The following PIK3C2G variants were observed in gnomAD, a reference collection of about 807,000 sequenced individuals.
The protein encoded by PIK3C2G is phosphatidylinositol 3-kinase C2 domain-containing subunit gamma.
Under a neutral mutation model 181.1 loss-of-function variants are expected in PIK3C2G, and 168 were observed. The observed-to-expected ratio is 0.93, with a 90% confidence interval of 0.82 to 1.05. The LOEUF is 1.05. Among genes scored for constraint, PIK3C2G ranks in the 50% least tolerant of loss-of-function variants. The probability of loss-of-function intolerance (pLI) is 0.00; values close to 1 mark genes in which losing one functional copy is unlikely to be tolerated. For synonymous variants in PIK3C2G, 573 were observed against 592.2 expected (o/e 0.97, Z 0.47); for missense variants, 1,869 against 1,732.8 (o/e 1.08, Z -1.40).
At chr12:18,696,298 A>C in the PIK3C2G span, 1 of 849,290 alleles carries the variant, frequency 1.2e-6, no homozygotes, top group Non-Finnish European at 1.8e-6. Flanking sequence ...ATTGTGAAAG[A>C]ATTCAAATAA....
the PIK3C2G span, among the ~76,000 whole-genome samples, chr12:18,659,575 T>C: frequency 6.6e-6 from 1 of 152,152 alleles, no homozygotes; most frequent in Non-Finnish European, 1.5e-5. Flanking sequence ...ATGTATTTTA[T>C]AGTGAAAGGA....
chr12:18,396,839 G>A (rs1342300994), intron 15 of PIK3C2G, among the ~76,000 whole-genome samples: 1 of 151,670 alleles, frequency 6.6e-6, no homozygotes, highest in Admixed American at 6.6e-5. Context: ...TGGTTAAGAT[G>A]ATAATTCTCT....
At chr12:18,632,301 T>A (rs1313123727) in intron 31 of PIK3C2G, among the ~76,000 whole-genome samples, 1 of 152,190 alleles carries the variant, frequency 6.6e-6, no homozygotes, top group Non-Finnish European at 1.5e-5. Context: ...GCCTTACTGC[T>A]TAAGTACTGT....
chr12:18,355,440 G>T (rs1940632973), intron 11 of PIK3C2G, among the ~76,000 whole-genome samples: 1 of 152,194 alleles, frequency 6.6e-6, no homozygotes, highest in South Asian at 2.1e-4. Flanking sequence ...CTACGAATAG[G>T]TTACTTTAAT....
chr12:18,403,581 C>G (rs139418547), intron 16 of PIK3C2G, among the ~76,000 whole-genome samples: 1 of 152,280 alleles, frequency 6.6e-6, no homozygotes, highest in African/African-American at 2.4e-5. Flanking sequence ...GGTTTAACCT[C>G]TTGACAACTG....
upstream of PIK3C2G, among the ~76,000 whole-genome samples, chr12:18,245,763 A>G (rs962603400): frequency 4.6e-5 from 7 of 152,136 alleles, no homozygotes; most frequent in African/African-American, 1.7e-4. Context: ...AAAAATTTTC[A>G]CTGTTACAAA....
Position 18,248,447 on chromosome 12 carries a change from G to A in PIK3C2G, c.-79+365G>A, listed in dbSNP as rs908217011. ...AAAATTAGCCGGCGAGGTGGCGGGC[G>A]CTGTAGTCCCAGCTACTCGGGAGGC... is the stretch of plus-strand genomic sequence containing the variant. On this transcript the variant is annotated intron_variant, in intron 1 of 11. Coordinates refer to the PIK3C2G transcript ENST00000535651. Among the ~76,000 whole-genome samples the A allele has an allele frequency of 3.3e-5, 5 of 152,002 alleles. No homozygotes were observed. In the East Asian group the frequency reaches 5.8e-4, roughly 18 times the overall value.
chr12:18,706,154 A>T, the PIK3C2G span, among the ~76,000 whole-genome samples: 1 of 149,056 alleles, frequency 6.7e-6, no homozygotes, highest in Non-Finnish European at 1.5e-5. Flanking sequence ...AATTGCTTGA[A>T]CCGGGAGGTG....
the PIK3C2G span, among the ~76,000 whole-genome samples, chr12:18,657,482 A>G: frequency 2.0e-5 from 3 of 152,192 alleles, no homozygotes; most frequent in South Asian, 6.2e-4. Flanking sequence ...ATGCCTCAAC[A>G]TTCACATAGA....
chr12:18,515,090 T>A (rs1403223184), intron 24 of PIK3C2G, among the ~76,000 whole-genome samples: 1 of 152,070 alleles, frequency 6.6e-6, no homozygotes, highest in Non-Finnish European at 1.5e-5. Flanking sequence ...TAAATCCCAC[T>A]TGATCATGGT....
chr12:18,421,994 C>G (rs1350953113), intron 17 of PIK3C2G, among the ~76,000 whole-genome samples: 7 of 152,072 alleles, frequency 4.6e-5, no homozygotes, highest in Non-Finnish European at 8.8e-5. Context: ...AAGGGTTAAT[C>G]TAACTTACAA....
chr12:18,273,870 C>G (rs527885124), intron 1 of PIK3C2G, among the ~76,000 whole-genome samples: 3 of 152,022 alleles, frequency 2.0e-5, no homozygotes, highest in Non-Finnish European at 4.4e-5. Context: ...AACAGGCAAC[C>G]TACAGAATGG....
At chr12:18,466,908 T>A (rs1359605643) in intron 18 of PIK3C2G, among the ~76,000 whole-genome samples, 5 of 152,040 alleles carry the variant, frequency 3.3e-5, no homozygotes, top group Non-Finnish European at 5.9e-5. Flanking sequence ...TAACTTCTTT[T>A]TTCACTTGGA....
chr12:18,294,218 G>A (rs1184827189), intron 5 of PIK3C2G, among the ~76,000 whole-genome samples: 6 of 151,952 alleles, frequency 3.9e-5, no homozygotes, highest in Non-Finnish European at 8.8e-5. Context: ...GACTACTTAT[G>A]AAAACAAATA....
chr12:18,318,602 C>A (rs1390757090), intron 6 of PIK3C2G, among the ~76,000 whole-genome samples: 3 of 151,714 alleles, frequency 2.0e-5, no homozygotes, highest in Non-Finnish European at 4.4e-5. Flanking sequence ...ATTTTTTTCA[C>A]ATAATACTAG....
intron 5 of PIK3C2G, among the ~76,000 whole-genome samples, chr12:18,304,219 T>TA (rs1950324900): frequency 6.6e-6 from 1 of 152,188 alleles, no homozygotes. Flanking sequence ...TTCTATATTT[T>TA]AAAAAAGTTC....
intron 26 of PIK3C2G, among the ~76,000 whole-genome samples, chr12:18,551,993 G>A (rs1484555592): frequency 6.6e-6 from 1 of 152,026 alleles, no homozygotes; most frequent in African/African-American, 2.4e-5. Context: ...CTTATCATAG[G>A]CCACCCTTTC....
intron 14 of PIK3C2G, among the ~76,000 whole-genome samples, chr12:18,387,790 T>C (rs1302152124): frequency 6.6e-6 from 1 of 152,204 alleles, no homozygotes; most frequent in East Asian, 1.9e-4. Flanking sequence ...AGCACAGTAG[T>C]TGGAATAATG....
At chr12:18,477,579 A>C (rs1278745756) in intron 18 of PIK3C2G, among the ~76,000 whole-genome samples, 1 of 152,176 alleles carries the variant, frequency 6.6e-6, no homozygotes, top group African/African-American at 2.4e-5. Context: ...TTTCTTACTG[A>C]GTTTCCAAAA....
Sources: gnomAD v4.1 joint callset for allele counts (sites outside exome capture counted in the v4.1 genomes callset) on GRCh38, gnomAD v4.1.1 for gene constraint, MANE v1.5 for transcripts, NCBI Gene and HGNC (gene_info 2026-07-23, HGNC 2026-07-21) for gene names.